SMPD3: variants seen among roughly 807,000 people sequenced by gnomAD.
SMPD3 encodes the protein nSMase-2.
SMPD3 carries 21 observed loss-of-function variants against 55.7 expected under a neutral mutation model. The observed-to-expected ratio is 0.38, with a 90% CI of 0.27 to 0.54. The LOEUF (loss-of-function observed/expected upper bound fraction) is 0.54. Among genes scored for constraint, SMPD3 ranks in the 20% least tolerant of loss-of-function variants. SMPD3 has a pLI of 0.80. For synonymous variants in SMPD3, 457 were observed against 404.3 expected, an observed-to-expected ratio of 1.13 and a Z score of -1.56; for missense variants, 842 against 899.6, an observed-to-expected ratio of 0.94 and a Z score of 0.82.
intron 2 of SMPD3, among the ~76,000 whole-genome samples, chr16:68,377,979 G>A (rs1307710061): frequency 1.3e-5 from 2 of 152,216 alleles, no homozygotes; most frequent in African/African-American, 2.4e-5. Flanking sequence ...AGGTTTGGGA[G>A]TTGCCCCACT....
At position 68,372,290 on chromosome 16, in the gene SMPD3, A is replaced by C. The variant is rs1597608551; in HGVS notation, c.-109T>G. 5 of 1,408,552 alleles carry C rather than the reference A, an allele frequency of 3.5e-6. No individual in the cohort carries two copies. The highest frequency in any genetic ancestry group is 3.9e-6 in the Non-Finnish European group (4 of 1,030,976). 87.3% of individuals were successfully genotyped at this position (1,408,552 alleles called of 1,614,324 possible). On this transcript the variant is annotated 5_prime_UTR_variant, in exon 3 of 9. The change abolishes the stop of an existing upstream ORF in the 5' untranslated region. Coordinates refer to ENST00000219334, the MANE Select transcript of SMPD3 (RefSeq NM_018667.4). ...GTTGGGGGCAGCTGGAGGAGGGGTC[A>C]CCTCCTGGCGAGATGCAACTCCGGC...
intron 3 of SMPD3, among the ~76,000 whole-genome samples, chr16:68,366,035 G>C (rs911235930): frequency 3.3e-5 from 5 of 152,078 alleles, no homozygotes; most frequent in Non-Finnish European, 7.4e-5. Context: ...CTGTGCCTCT[G>C]TACCCTCCCC....
At position 68,358,495 on chromosome 16, in the gene SMPD3, T is replaced by C. The variant is rs1441165541; in HGVS notation, c.*2711A>G. On this transcript the variant is annotated 3_prime_UTR_variant, in exon 9 of 9. Coordinates refer to ENST00000219334, the MANE Select transcript of SMPD3 (RefSeq NM_018667.4). Reference sequence around the variant, plus strand: ...TTTGATAATGTTTTTACCAAAACCATAGGTGTGCTTACCATAGAAAACCCC... The same window carrying C: ...TTTGATAATGTTTTTACCAAAACCACAGGTGTGCTTACCATAGAAAACCCC... 1 of 152,674 alleles carries C rather than the reference T, an allele frequency of 6.5e-6. No individual in the cohort carries two copies. Among genetic ancestry groups the C allele is most frequent in the Non-Finnish European group, 1.5e-5 (1 of 68,044 alleles). The allele number at this position is 152,674 out of a possible 1,614,324, so 9.5% of individuals were successfully genotyped here.
chr16:68,415,922 A>T (rs1298017045), intron 1 of SMPD3, among the ~76,000 whole-genome samples: 1 of 152,072 alleles, frequency 6.6e-6, no homozygotes, highest in Non-Finnish European at 1.5e-5. Context: ...CTTTACAAAC[A>T]GCTTTGCCCC....
In SMPD3 at chr16:68,447,534, TC is replaced by T. The variant is rs992740738; in HGVS notation, c.-269+818del. ...AGGTGGGGAGGGGTCCCTCCTGTCC[TC>T]GTACATCCCCCTACACTACCTCTCA... is the stretch of plus-strand genomic sequence containing the variant. On this transcript the variant is annotated intron_variant, in intron 1 of 8. Coordinates refer to ENST00000219334, the MANE Select transcript of SMPD3 (RefSeq NM_018667.4). The surrounding 1 kb of genome is among the most constrained non-coding windows in gnomAD (Gnocchi z 5.1). Among the ~76,000 whole-genome samples the T allele has an allele frequency of 1.8e-4, 27 of 150,368 alleles. No homozygotes were observed. Among genetic ancestry groups the T allele is most frequent in the African/African-American group, 6.6e-4 (27 of 40,928 alleles).
chr16:68,443,691 A>G (rs951416434), intron 1 of SMPD3, among the ~76,000 whole-genome samples: 4 of 152,232 alleles, frequency 2.6e-5, no homozygotes, highest in African/African-American at 9.6e-5. Flanking sequence ...GATATAAAGT[A>G]GGTGGCACTA....
At chr16:68,365,662 C>G (rs1248520932) in intron 3 of SMPD3, among the ~76,000 whole-genome samples, 1 of 152,136 alleles carries the variant, frequency 6.6e-6, no homozygotes. Context: ...CCGTTGTCAC[C>G]CGTCTTGGAT....
chr16:68,383,898 G>C (rs1458755665), intron 2 of SMPD3, among the ~76,000 whole-genome samples: 1 of 152,026 alleles, frequency 6.6e-6, no homozygotes, highest in Non-Finnish European at 1.5e-5. Flanking sequence ...CTAGTCCCCT[G>C]GATCCATTCC....
chr16:68,425,742 T>C (rs1338396480), intron 1 of SMPD3, among the ~76,000 whole-genome samples: 2 of 152,116 alleles, frequency 1.3e-5, no homozygotes, highest in Non-Finnish European at 2.9e-5. Context: ...CTCAGCAAGA[T>C]ATCCGGCCTC....
chr16:68,417,646 G>T (rs2090349784), intron 1 of SMPD3, among the ~76,000 whole-genome samples: 1 of 151,652 alleles, frequency 6.6e-6, no homozygotes, highest in African/African-American at 2.4e-5. Context: ...TGCTTTGGCT[G>T]CTAGGAAGCT....
chr16:68,378,655 A>G (rs1228812530), intron 2 of SMPD3, among the ~76,000 whole-genome samples: 1 of 150,070 alleles, frequency 6.7e-6, no homozygotes, highest in Non-Finnish European at 1.5e-5. Context: ...GCACCACCAC[A>G]AGCCTGAAGC....
intron 2 of SMPD3, among the ~76,000 whole-genome samples, chr16:68,382,896 C>T (rs1567793870): frequency 6.6e-6 from 1 of 152,190 alleles, no homozygotes. Flanking sequence ...GGCTGGAGTG[C>T]AATGGTGCAA....
chr16:68,435,164 T>C (rs1370170892), intron 1 of SMPD3, among the ~76,000 whole-genome samples: 2 of 152,110 alleles, frequency 1.3e-5, no homozygotes, highest in African/African-American at 4.8e-5. Context: ...CTGGCAGGGA[T>C]GAACTCTTTG....
intron 1 of SMPD3, among the ~76,000 whole-genome samples, chr16:68,424,252 T>G (rs1466395935): frequency 6.6e-6 from 1 of 151,902 alleles, no homozygotes; most frequent in Admixed American, 6.5e-5. Context: ...GTAATTATCC[T>G]AAAGATACCA....
chr16:68,435,563 A>G (rs2090516884), intron 1 of SMPD3, among the ~76,000 whole-genome samples: 1 of 149,570 alleles, frequency 6.7e-6, no homozygotes, highest in Non-Finnish European at 1.5e-5. Context: ...GGCCACAGAC[A>G]GGAAGGGCTG....
intron 1 of SMPD3, among the ~76,000 whole-genome samples, chr16:68,410,787 G>A (rs1241069128): frequency 1.3e-5 from 2 of 152,108 alleles, no homozygotes; most frequent in African/African-American, 4.8e-5. Context: ...CCAACTGAAG[G>A]GCACAATGTT....
At chr16:68,406,693 G>A (rs912308426) in intron 1 of SMPD3, among the ~76,000 whole-genome samples, 2 of 152,208 alleles carry the variant, frequency 1.3e-5, no homozygotes, top group Non-Finnish European at 2.9e-5. Context: ...TGAGAGCCTC[G>A]TAAAAGCTCT....
chr16:68,394,577 A>C (rs1362892346), intron 1 of SMPD3, among the ~76,000 whole-genome samples: 1 of 152,244 alleles, frequency 6.6e-6, no homozygotes, highest in Non-Finnish European at 1.5e-5. Context: ...TACTGCATGC[A>C]GACACTGCTG....
At chr16:68,394,207 T>A (rs908331410) in intron 1 of SMPD3, among the ~76,000 whole-genome samples, 1 of 152,184 alleles carries the variant, frequency 6.6e-6, no homozygotes, top group African/African-American at 2.4e-5. Flanking sequence ...TCCATTCGTC[T>A]CTCTCTTCTA....
Sources: allele counts gnomAD v4.1 joint callset (sites outside exome capture counted in the v4.1 genomes callset), GRCh38; gene constraint gnomAD v4.1.1; non-coding constraint Gnocchi (gnomAD v3.1); transcripts MANE v1.5; gene names NCBI Gene and HGNC (gene_info 2026-07-23, HGNC 2026-07-21).